Variants in ARNT2 observed in about 807,000 individuals in gnomAD.
ARNT2 encodes aryl hydrocarbon receptor nuclear translocator 2, also known as ARNT protein 2.
Under a neutral mutation model 91.7 loss-of-function variants are expected in ARNT2, and 36 were observed. The observed-to-expected ratio is 0.39, with a 90% confidence interval of 0.30 to 0.52. The LOEUF is 0.52. Among genes scored for constraint, ARNT2 ranks in the 20% least tolerant of loss-of-function variants. ARNT2 has a pLI of 0.72. For missense variants in ARNT2, 775 were observed against 939.3 expected, an observed-to-expected ratio of 0.83 and a Z score of 2.29; for synonymous variants, 365 against 347.1, an observed-to-expected ratio of 1.05 and a Z score of -0.57.
At chr15:80,489,244 T>C (rs1293155597) in intron 5 of ARNT2, among the ~76,000 whole-genome samples, 2 of 152,270 alleles carry the variant, frequency 1.3e-5, no homozygotes, top group African/African-American at 4.8e-5. Context: ...TCATGACTCA[T>C]GCCACATGGC....
intron 11 of ARNT2, among the ~76,000 whole-genome samples, chr15:80,557,668 A>G (rs994657836): frequency 2.6e-5 from 4 of 151,960 alleles, no homozygotes; most frequent in African/African-American, 9.7e-5. Context: ...TCCTCCTCTC[A>G]TCACCATCCA....
chr15:80,500,653 T>A (rs572713022), intron 5 of ARNT2, among the ~76,000 whole-genome samples: 10 of 152,276 alleles, frequency 6.6e-5, no homozygotes, highest in African/African-American at 2.4e-4. Context: ...CCTCTGCCCA[T>A]CAAAAAAGAT....
At chr15:80,413,563 C>G (rs902487432) in intron 1 of ARNT2, among the ~76,000 whole-genome samples, 1 of 152,216 alleles carries the variant, frequency 6.6e-6, no homozygotes, top group Non-Finnish European at 1.5e-5. Flanking sequence ...TCTGATTTGG[C>G]CATCCCTACT....
chr15:80,593,828 T>G lies in ARNT2; in HGVS notation c.*130T>G. 1.2e-6 allele frequency: 1 copy of G among 807,596 alleles called. No homozygotes were observed. Among genetic ancestry groups the G allele is most frequent in the East Asian group, 2.7e-5 (1 of 36,930 alleles). The allele number at this position is 807,596 out of a possible 1,614,324, so 50.0% of individuals were successfully genotyped here. A position where few individuals can be genotyped will look rare whatever the true frequency, so the allele number is the denominator to read the frequency against. On this transcript the variant is annotated 3_prime_UTR_variant, in exon 19 of 19. Transcript: ENST00000303329. ...CCCCACCAGAAGCCATCTCCCCCGC[T>G]GTGTGTCCCCAGGCGCATCATTGCT...
chr15:80,470,203 G>C lies in ARNT2; in HGVS notation c.195-15G>C, dbSNP rs149905056. 2.8e-4 allele frequency: 443 copies of C among 1,610,828 alleles called. No individual in the cohort carries two copies. The highest frequency in any genetic ancestry group is 1.2e-3 in the East Asian group (54 of 44,820). On this transcript the variant is annotated splice_polypyrimidine_tract_variant and intron_variant, in intron 3 of 18. Transcript: ENST00000303329. ...TCTTTTTTCCCCCTCTCCTGATCTC[G>C]TGCTTTCTGGAAAGAGAGAATCATA...
chr15:80,561,688 C>T (rs7181469), intron 11 of ARNT2, among the ~76,000 whole-genome samples: 150,776 of 152,292 alleles, frequency 0.99, 74,642 homozygotes, highest in Middle Eastern at 1. Context: ...TCCCACTCTG[C>T]CCAGCCTGGA....
intron 17 of ARNT2, among the ~76,000 whole-genome samples, chr15:80,583,324 G>C (rs2141482878): frequency 6.6e-6 from 1 of 152,310 alleles, no homozygotes. Flanking sequence ...AGGTGGGCAG[G>C]CCACTTCCCT....
In ARNT2 at chr15:80,597,159, C is replaced by T. The variant is rs771729551; in HGVS notation, c.*3461C>T. 1.9e-6 allele frequency: 1 copy of T among 518,708 alleles called. No individual in the cohort carries two copies. The highest frequency in any genetic ancestry group is 3.8e-6 in the Non-Finnish European group (1 of 259,840). The allele number at this position is 518,708 out of a possible 1,614,324, so 32.1% of individuals were successfully genotyped here. ...TAGCCACACATGCAAACATCAGTGT[C>T]CTTCTAGCTTTAGCCGAGAAAGAAA... On this transcript the variant is annotated 3_prime_UTR_variant, in exon 19 of 19. Transcript: ENST00000303329.
chr15:80,409,458 GTTTA>G (rs2141551931), intron 1 of ARNT2, among the ~76,000 whole-genome samples: 1 of 152,156 alleles, frequency 6.6e-6, no homozygotes, highest in African/African-American at 2.4e-5. Flanking sequence ...ATGTACCACA[GTTTA>G]TTTATTCATT....
intron 1 of ARNT2, among the ~76,000 whole-genome samples, chr15:80,421,887 G>C (rs759571513): frequency 6.6e-6 from 1 of 152,176 alleles, no homozygotes; most frequent in Non-Finnish European, 1.5e-5. Context: ...CAGTCCTTTA[G>C]TCCAAGTGGG....
chr15:80,419,125 G>A (rs1895826939), intron 1 of ARNT2, among the ~76,000 whole-genome samples: 1 of 152,150 alleles, frequency 6.6e-6, no homozygotes, highest in Admixed American at 6.5e-5. Context: ...AGGTACCTCA[G>A]TGATTTGCAA....
At chr15:80,446,758 A>G (rs1055759451) in intron 1 of ARNT2, among the ~76,000 whole-genome samples, 8 of 152,234 alleles carry the variant, frequency 5.3e-5, no homozygotes, top group Admixed American at 5.2e-4. Flanking sequence ...GTCAGTACCC[A>G]ACATAAATCT....
chr15:80,439,420 T>G (rs1896152295), intron 1 of ARNT2, among the ~76,000 whole-genome samples: 1 of 152,230 alleles, frequency 6.6e-6, no homozygotes, highest in African/African-American at 2.4e-5. Context: ...TTAGAAGCCA[T>G]GGCCAAATAA....
Position 80,513,891 on chromosome 15 carries a change from A to T in ARNT2, c.726-20A>T, listed in dbSNP as rs768332746. On this transcript the variant is annotated intron_variant, in intron 6 of 18. Coordinates refer to ENST00000303329, the MANE Select transcript of ARNT2 (RefSeq NM_014862.4). ...CTTGCCTGGGTCTTTGCTCATTCTA[A>T]TACACTTGTCACATCTTAGGTGTGG... 211 of 1,603,946 alleles carry T rather than the reference A, an allele frequency of 1.3e-4. 1 individual carries two copies. The Admixed American group carries it at 2.1e-3, about 16-fold the overall frequency.
chr15:80,481,546 CA>C (rs1204874680), intron 5 of ARNT2, among the ~76,000 whole-genome samples: 1 of 151,950 alleles, frequency 6.6e-6, no homozygotes, highest in Non-Finnish European at 1.5e-5. Flanking sequence ...CTTACTTCTA[CA>C]AAAAAATTTA....
intron 5 of ARNT2, among the ~76,000 whole-genome samples, chr15:80,505,377 G>T (rs1035316035): frequency 2.6e-5 from 4 of 152,206 alleles, no homozygotes; most frequent in Non-Finnish European, 5.9e-5. Flanking sequence ...ACAGATGTAA[G>T]GTGGTAGCAC....
At chr15:80,547,951 A>G (rs550800164) in intron 8 of ARNT2, among the ~76,000 whole-genome samples, 1 of 152,352 alleles carries the variant, frequency 6.6e-6, no homozygotes, top group East Asian at 1.9e-4. Context: ...CTATTTTAAT[A>G]TTGTATTGAA....
intron 9 of ARNT2, 52 bp downstream of exon 9, chr15:80,551,327 A>C: frequency 6.6e-7 from 1 of 1,524,140 alleles, no homozygotes; most frequent in African/African-American, 1.4e-5. Flanking sequence ...TTATTGCCAC[A>C]AAGTGCAGAA....
chr15:80,470,885 C>G (rs1896722895), intron 4 of ARNT2, among the ~76,000 whole-genome samples: 1 of 152,206 alleles, frequency 6.6e-6, no homozygotes. Context: ...GTAACAGATG[C>G]TAGTGAGGTT....
Sources: gnomAD v4.1 joint callset for allele counts (sites outside exome capture counted in the v4.1 genomes callset) on GRCh38, gnomAD v4.1.1 for gene constraint, MANE v1.5 for transcripts, NCBI Gene and HGNC (gene_info 2026-07-23, HGNC 2026-07-21) for gene names.